Variants in EBF2 observed in about 807,000 individuals in gnomAD.
The protein encoded by EBF2 is EBF transcription factor 2, also known as transcription factor COE2.
In EBF2, 21 loss-of-function variants were observed where a neutral mutation model predicts 72.8. The observed-to-expected ratio is 0.29, with a 90% CI of 0.20 to 0.42. The LOEUF (loss-of-function observed/expected upper bound fraction) is 0.42, where lower values mean the gene tolerates loss of function less well. EBF2 is among the 10% of genes least tolerant of loss of function. The pLI is 1.00. For synonymous variants in EBF2, 299 were observed against 274.2 expected (o/e 1.09, Z -0.89); for missense variants, 637 against 731.2 (o/e 0.87, Z 1.49).
At chr8:25,945,997 G>A (rs1803763032) in intron 6 of EBF2, among the ~76,000 whole-genome samples, 1 of 152,136 alleles carries the variant, frequency 6.6e-6, no homozygotes, top group African/African-American at 2.4e-5. Context: ...TACCACCTAG[G>A]CAGTCTGCCT....
At chr8:25,982,037 A>G (rs1310859736) in intron 6 of EBF2, among the ~76,000 whole-genome samples, 1 of 152,156 alleles carries the variant, frequency 6.6e-6, no homozygotes, top group Admixed American at 6.5e-5. Context: ...ACCTAGCTGC[A>G]TTTGTCACGG....
rs1801794400 is a variant in EBF2 at position 25,844,573 on chromosome 8, G to A, written c.*36C>T. ...CTTTCTTCATTATTGGTCCATCAGA[G>A]TAAGTAGTTTTGTGCTATAAGAAAG... On this transcript the variant is annotated 3_prime_UTR_variant, in exon 16 of 16. Transcript: ENST00000520164. 1.6e-5 allele frequency: 26 copies of A among 1,612,208 alleles called. No homozygotes were observed. The highest frequency in any genetic ancestry group is 2.0e-5 in the Non-Finnish European group (24 of 1,178,422).
At chr8:25,951,469 C>G (rs182338406) in intron 6 of EBF2, among the ~76,000 whole-genome samples, 1 of 152,294 alleles carries the variant, frequency 6.6e-6, no homozygotes, top group Non-Finnish European at 1.5e-5. Flanking sequence ...TGGAATCCAC[C>G]CCCTCACTTC....
At chr8:25,954,410 C>T (rs1160119476) in intron 6 of EBF2, among the ~76,000 whole-genome samples, 1 of 152,188 alleles carries the variant, frequency 6.6e-6, no homozygotes, top group Non-Finnish European at 1.5e-5. Context: ...GGAGATGAGC[C>T]CATTCCTACT....
intron 5 of EBF2, among the ~76,000 whole-genome samples, chr8:26,034,551 T>C (rs1293367734): frequency 2.0e-5 from 3 of 152,046 alleles, no homozygotes; most frequent in Non-Finnish European, 4.4e-5. Context: ...CCTAGACAAA[T>C]GTGAGAAGGG....
chr8:26,037,661 C>T (rs535205906), intron 5 of EBF2, among the ~76,000 whole-genome samples: 5 of 152,224 alleles, frequency 3.3e-5, no homozygotes, highest in East Asian at 1.9e-4. Flanking sequence ...GGCCTTGAGA[C>T]GACTTCTGTT....
chr8:25,982,365 T>C (rs914036357), intron 6 of EBF2, among the ~76,000 whole-genome samples: 4 of 152,170 alleles, frequency 2.6e-5, no homozygotes, highest in Non-Finnish European at 5.9e-5. Context: ...CTGAACACTA[T>C]GTCAGCTGGA....
At chr8:26,010,028 T>G (rs890396815) in intron 6 of EBF2, among the ~76,000 whole-genome samples, 1 of 152,144 alleles carries the variant, frequency 6.6e-6, no homozygotes, top group Non-Finnish European at 1.5e-5. Flanking sequence ...GGGAAGAAAC[T>G]TTGCTTTTAT....
At chr8:25,995,259 T>A (rs1413850764) in intron 6 of EBF2, among the ~76,000 whole-genome samples, 1 of 152,132 alleles carries the variant, frequency 6.6e-6, no homozygotes, top group African/African-American at 2.4e-5. Flanking sequence ...TGAGCTGAGA[T>A]CGCACCACAG....
At chr8:26,035,143 ATTTT>A (rs11348637) in intron 5 of EBF2, among the ~76,000 whole-genome samples, 5 of 144,356 alleles carry the variant, frequency 3.5e-5, no homozygotes, top group African/African-American at 2.6e-5. Context: ...CAGTCTTAGA[ATTTT>A]TTTTTTTTTT....
At chr8:25,851,983 G>A (rs1801987198) in intron 14 of EBF2, among the ~76,000 whole-genome samples, 1 of 152,128 alleles carries the variant, frequency 6.6e-6, no homozygotes, top group Admixed American at 6.5e-5. Context: ...CTTCCCATAT[G>A]ATGTCTTTTA....
chr8:25,949,278 A>T (rs1461931139), intron 6 of EBF2, among the ~76,000 whole-genome samples: 2 of 152,222 alleles, frequency 1.3e-5, no homozygotes, highest in Non-Finnish European at 2.9e-5. Flanking sequence ...TGCCTTCAGC[A>T]CGTTCTGTAA....
At chr8:25,954,058 A>T (rs1803904422) in intron 6 of EBF2, among the ~76,000 whole-genome samples, 1 of 152,186 alleles carries the variant, frequency 6.6e-6, no homozygotes, top group Admixed American at 6.5e-5. Flanking sequence ...TACACAGTGC[A>T]GAGACTCGGG....
chr8:25,947,941 G>A (rs1236043102), intron 6 of EBF2, among the ~76,000 whole-genome samples: 1 of 152,218 alleles, frequency 6.6e-6, no homozygotes, highest in Non-Finnish European at 1.5e-5. Flanking sequence ...TTCCCTAGCT[G>A]CAGAGCAGAA....
At chr8:26,028,058 A>T (rs1805329815) in intron 6 of EBF2, among the ~76,000 whole-genome samples, 1 of 152,172 alleles carries the variant, frequency 6.6e-6, no homozygotes, top group South Asian at 2.1e-4. Context: ...TAGTTGCACA[A>T]CAATGTGGAT....
chr8:25,983,612 A>T (rs567212020), intron 6 of EBF2, among the ~76,000 whole-genome samples: 1 of 152,182 alleles, frequency 6.6e-6, no homozygotes, highest in East Asian at 1.9e-4. Flanking sequence ...CTGGAATGAC[A>T]GGAAAAGCCA....
In EBF2 at chr8:26,044,724, G is replaced by T. The variant is rs780272000; in HGVS notation, c.131+5C>A. The T allele has an allele frequency of 1.2e-5, 19 of 1,613,604 alleles. No homozygotes were observed. Among genetic ancestry groups the T allele is most frequent in the Non-Finnish European group, 1.7e-6 (2 of 1,179,820 alleles). On this transcript the variant is annotated splice_donor_5th_base_variant and intron_variant, in intron 1 of 15. Coordinates refer to ENST00000520164, the MANE Select transcript of EBF2 (RefSeq NM_022659.4). This position sits in a 1 kb window ranked among gnomAD's most constrained non-coding sequence, Gnocchi z 4.1. ...AGCATAATAATTGCGCGGCCGTGTC[G>T]TTACCTCTGCGCGGCGACATTAGCG...
At chr8:25,959,080 C>T (rs749943314) in intron 6 of EBF2, among the ~76,000 whole-genome samples, 8 of 152,228 alleles carry the variant, frequency 5.3e-5, no homozygotes, top group Non-Finnish European at 1.2e-4. Context: ...CTGGACTTTT[C>T]GTAAAGTGGA....
At chr8:25,859,909 G>T (rs1802179818) in intron 13 of EBF2, among the ~76,000 whole-genome samples, 2 of 151,764 alleles carry the variant, frequency 1.3e-5, no homozygotes, top group South Asian at 2.1e-4. Context: ...TAGACACAGG[G>T]TTTCACCATG....
Sources: allele counts gnomAD v4.1 joint callset (sites outside exome capture counted in the v4.1 genomes callset), GRCh38; gene constraint gnomAD v4.1.1; non-coding constraint Gnocchi (gnomAD v3.1); transcripts MANE v1.5; gene names NCBI Gene and HGNC (gene_info 2026-07-23, HGNC 2026-07-21).